The following MAN2A1 variants were observed in gnomAD, a reference collection of about 807,000 sequenced individuals.
The protein encoded by MAN2A1 is alpha-mannosidase 2.
In MAN2A1, 76 loss-of-function variants were observed where a neutral mutation model predicts 142.6. That is an observed-to-expected ratio of 0.53 (90% CI 0.44 to 0.65). MAN2A1 has a LOEUF of 0.65. Ranked by LOEUF, MAN2A1 falls within the 30% of genes least tolerant of loss-of-function variation. The probability of loss-of-function intolerance (pLI) is 0.00; values close to 1 mark genes in which losing one functional copy is unlikely to be tolerated. For synonymous variants in MAN2A1, 559 were observed against 473.2 expected (o/e 1.18, Z -2.35); for missense variants, 1,311 against 1,365.1 (o/e 0.96, Z 0.62).
intron 12 of MAN2A1, among the ~76,000 whole-genome samples, chr5:109,816,435 TC>T (rs1754463459): frequency 6.6e-6 from 1 of 152,174 alleles, no homozygotes; most frequent in South Asian, 2.1e-4. Context: ...CTAATCCCAA[TC>T]AATTTTTTTT....
rs541366362 is a variant in MAN2A1 at position 109,779,822 on chromosome 5, A to G, written c.1375-1574A>G. Among the ~76,000 whole-genome samples, 8 of 152,292 alleles carry G rather than the reference A, an allele frequency of 5.3e-5. No individual in the cohort carries two copies. The East Asian group carries it at 5.8e-4, about 11-fold the overall frequency. On this transcript the variant is annotated intron_variant, in intron 8 of 21. Transcript: ENST00000261483. The stretch of plus-strand genomic sequence containing the variant: ...TCTCTGTTTGGTGAAGCCAAGATAC[A>G]TTGGCTACACCAAATTGAATACAGT...
At chr5:109,709,534 A>G (rs1195584198) in intron 1 of MAN2A1, among the ~76,000 whole-genome samples, 2 of 152,238 alleles carry the variant, frequency 1.3e-5, no homozygotes, top group African/African-American at 2.4e-5. Context: ...AGTGAGGCCA[A>G]TACCAGCGGG....
intron 12 of MAN2A1, among the ~76,000 whole-genome samples, chr5:109,816,171 T>A (rs1273523141): frequency 6.6e-6 from 1 of 152,192 alleles, no homozygotes; most frequent in Non-Finnish European, 1.5e-5. Context: ...GAGAATTATT[T>A]GAACATCAGA....
intron 12 of MAN2A1, among the ~76,000 whole-genome samples, chr5:109,814,180 C>G (rs1754392968): frequency 6.6e-6 from 1 of 152,094 alleles, no homozygotes; most frequent in Non-Finnish European, 1.5e-5. Context: ...TTAACCCTCC[C>G]CATTCTGAAG....
intron 1 of MAN2A1, among the ~76,000 whole-genome samples, chr5:109,697,606 T>C (rs909383480): frequency 2.0e-4 from 31 of 152,210 alleles, no homozygotes; most frequent in Admixed American, 3.3e-4. Flanking sequence ...ATAGCCATGG[T>C]CATTCATCTA....
rs762939380 is a variant in MAN2A1 at position 109,729,429 on chromosome 5, G to A, written c.623G>A (p.Arg208Gln). 28 of 1,602,412 alleles carry A rather than the reference G, an allele frequency of 1.7e-5. No individual in the cohort carries two copies. Among genetic ancestry groups the A allele is most frequent in the Non-Finnish European group, 1.6e-5 (19 of 1,172,252 alleles). ...GTCCTAAAGCTGAAAGAAGACTCAC[G>A]GAGGAAGTTTATTTGGTCTGAGATC... Reference protein sequence around the residue: ...NMVLKLKEDSRRKFIWSEISY... With the variant: ...NMVLKLKEDSQRKFIWSEISY... Residue 208 changes from arginine to glutamine, a missense_variant, in exon 4 of 22, where the codon CGG (arginine) becomes CAG (glutamine). Arg to Gln is a conservative substitution (Grantham distance 43). Transcript: ENST00000261483.
intron 4 of MAN2A1, among the ~76,000 whole-genome samples, chr5:109,734,465 G>T (rs1403951355): frequency 6.6e-6 from 1 of 151,832 alleles, no homozygotes; most frequent in African/African-American, 2.4e-5. Context: ...GTGATGTTAG[G>T]GTGTCAATTT....
In MAN2A1 at chr5:109,808,642, G is replaced by C. The variant is rs984138290; in HGVS notation, c.1944-8631G>C. 4.0e-4 allele frequency among the ~76,000 whole-genome samples: 60 copies of C among 151,352 alleles called. 1 individual carries two copies. The highest frequency in any genetic ancestry group is 1.2e-4 in the Non-Finnish European group (8 of 67,874). ...ATTGTTTAGATATTTACATTGCTTA[G>C]CTGTGGAAATAGTTTAAATATTTTT... On this transcript the variant is annotated intron_variant, in intron 12 of 21. Transcript: ENST00000261483.
chr5:109,867,160 A>T lies in MAN2A1; in HGVS notation c.*162A>T. 18 of 301,706 alleles carry T rather than the reference A, an allele frequency of 6.0e-5. No individual in the cohort carries two copies. Among genetic ancestry groups the T allele is most frequent in the Non-Finnish European group, 8.5e-5 (14 of 163,880 alleles). 18.7% of individuals were successfully genotyped at this position (301,706 alleles called of 1,614,324 possible). ...TTTTCTTTTACCAGTACAGTAAGAA[A>T]AAAAAAAAAAAAAAAAAAGCCATGC... On this transcript the variant is annotated 3_prime_UTR_variant, in exon 22 of 22. Coordinates refer to ENST00000261483, the MANE Select transcript of MAN2A1 (RefSeq NM_002372.4).
intron 4 of MAN2A1, among the ~76,000 whole-genome samples, chr5:109,738,819 T>A (rs1335915670): frequency 2.0e-5 from 3 of 152,092 alleles, no homozygotes; most frequent in Non-Finnish European, 4.4e-5. Context: ...AATGCTGAAG[T>A]CTTCTATAAT....
chr5:109,796,617 A>G (rs1753869461), intron 12 of MAN2A1, among the ~76,000 whole-genome samples: 1 of 152,178 alleles, frequency 6.6e-6, no homozygotes, highest in African/African-American at 2.4e-5. Context: ...TGAGCTAGGA[A>G]AGTCCGCTCA....
Position 109,690,255 on chromosome 5 carries a change from G to C in MAN2A1, c.-163G>C, listed in dbSNP as rs1750625193. 1.5e-6 allele frequency: 1 copy of C among 683,462 alleles called. No homozygotes were observed. The highest frequency in any genetic ancestry group is 1.8e-5 in the African/African-American group (1 of 56,068). 42.3% of individuals were successfully genotyped at this position (683,462 alleles called of 1,614,324 possible). ...AGGCCAAGGGCGTGTGGTGGCGCCG[G>C]AGACTAGGTGCGGAGCAAGGCGGGG... is the stretch of plus-strand genomic sequence containing the variant. On this transcript the variant is annotated 5_prime_UTR_variant, in exon 1 of 22. Coordinates refer to ENST00000261483, the MANE Select transcript of MAN2A1 (RefSeq NM_002372.4).
Position 109,830,513 on chromosome 5 carries a change from C to A in MAN2A1, c.2566+6676C>A, listed in dbSNP as rs1001578699. 1.4e-4 allele frequency among the ~76,000 whole-genome samples: 22 copies of A among 152,306 alleles called. No individual in the cohort carries two copies. The South Asian group carries it at 4.4e-3, about 30-fold the overall frequency. On this transcript the variant is annotated intron_variant, in intron 16 of 21. Coordinates refer to ENST00000261483, the MANE Select transcript of MAN2A1 (RefSeq NM_002372.4). ...CTAAGAATGCCTGAATCTGGGGCTT[C>A]CATCCCTGGAGTCTGCCCCACTTGT...
chr5:109,833,698 G>A (rs1561535590), intron 16 of MAN2A1, among the ~76,000 whole-genome samples: 3 of 150,404 alleles, frequency 2.0e-5, no homozygotes, highest in East Asian at 4.0e-4. Flanking sequence ...GTGGGGAGGG[G>A]GAGGGGGAGG....
At chr5:109,810,573 T>C (rs1399332700) in intron 12 of MAN2A1, among the ~76,000 whole-genome samples, 3 of 152,206 alleles carry the variant, frequency 2.0e-5, no homozygotes, top group Non-Finnish European at 4.4e-5. Flanking sequence ...ATCAACTGTG[T>C]ACCTGAAGCC....
In MAN2A1 at chr5:109,789,013, TACG is replaced by T. The variant is rs1278042409; in HGVS notation, c.1843_1845del (p.Asp615del). ...TCTTATTTTGAAGGACAAACTCACA[TACG>T]ACTCTTACTCTCCTGATACCTTCCT... On this transcript the variant is annotated inframe_deletion, in exon 11 of 22. Transcript: ENST00000261483. 1 of 1,599,504 alleles carries T rather than the reference TACG, an allele frequency of 6.3e-7. No individual in the cohort carries two copies. The highest frequency in any genetic ancestry group is 8.6e-7 in the Non-Finnish European group (1 of 1,168,346).
chr5:109,701,852 A>G (rs1347667147), intron 1 of MAN2A1, among the ~76,000 whole-genome samples: 1 of 152,168 alleles, frequency 6.6e-6, no homozygotes, highest in Non-Finnish European at 1.5e-5. Context: ...GACTGGTTGT[A>G]CTATTTGCAG....
chr5:109,762,641 C>A (rs866401149), intron 5 of MAN2A1, among the ~76,000 whole-genome samples: 1 of 152,138 alleles, frequency 6.6e-6, no homozygotes, highest in Non-Finnish European at 1.5e-5. Context: ...GTTCCTCCTA[C>A]CTCAAGGTGC....
intron 20 of MAN2A1, among the ~76,000 whole-genome samples, chr5:109,859,502 A>G (rs764998676): frequency 6.6e-6 from 1 of 152,162 alleles, no homozygotes; most frequent in Non-Finnish European, 1.5e-5. Context: ...AAACTTACCC[A>G]TTAGCTTTCC....
Sources: allele counts gnomAD v4.1 joint callset (sites outside exome capture counted in the v4.1 genomes callset), GRCh38; gene constraint gnomAD v4.1.1; transcripts MANE v1.5; gene names NCBI Gene and HGNC (gene_info 2026-07-23, HGNC 2026-07-21).